The following CD8B2 variants were observed in gnomAD, a reference collection of about 807,000 sequenced individuals.
The protein encoded by CD8B2 is T-cell surface glycoprotein CD8 beta-2 chain.
CD8B2 carries 11 observed loss-of-function variants against 23.7 expected under a neutral mutation model. That is an observed-to-expected ratio of 0.46 (90% CI 0.29 to 0.77). CD8B2 has a LOEUF of 0.77. Among genes scored for constraint, CD8B2 ranks in the 30% least tolerant of loss-of-function variants. The pLI is 0.09. For missense variants in CD8B2, 197 were observed against 270.5 expected (o/e 0.73, Z 1.91); for synonymous variants, 90 against 109.3 (o/e 0.82, Z 1.10).
At chr2:106,532,136 A>C (rs773460013) in intron 5 of CD8B2, among the ~76,000 whole-genome samples, 10 of 152,208 alleles carry the variant, frequency 6.6e-5, no homozygotes, top group Non-Finnish European at 1.5e-4. Context: ...ATCCACTTCC[A>C]CAAATATTTC....
At chr2:106,493,939 T>A (rs1679245997) in intron 2 of CD8B2, among the ~76,000 whole-genome samples, 1 of 152,222 alleles carries the variant, frequency 6.6e-6, no homozygotes, top group Non-Finnish European at 1.5e-5. Flanking sequence ...TCAGCACTGC[T>A]CCCCACACAT....
At chr2:106,512,137 G>A (rs1462952159), downstream of CD8B2, among the ~76,000 whole-genome samples, 2 of 152,294 alleles carry the variant, frequency 1.3e-5, no homozygotes, top group Admixed American at 6.5e-5. Flanking sequence ...GTGCAGTGGC[G>A]CACTTATGGC....
chr2:106,542,412 TA>T (rs1273588851), intron 5 of CD8B2, among the ~76,000 whole-genome samples: 1 of 152,216 alleles, frequency 6.6e-6, no homozygotes, highest in Non-Finnish European at 1.5e-5. Flanking sequence ...AGAGTCCTTA[TA>T]TTACTAATTA....
At position 106,507,179 on chromosome 2, in the gene CD8B2, G is replaced by A. The variant is rs1381428378; in HGVS notation, c.*239G>A. The A allele has an allele frequency of 2.6e-5, 35 of 1,346,230 alleles. No homozygotes were observed. The highest frequency in any genetic ancestry group is 4.2e-5 in the South Asian group (2 of 47,934). The allele number at this position is 1,346,230 out of a possible 1,614,324, so 83.4% of individuals were successfully genotyped here. On this transcript the variant is annotated 3_prime_UTR_variant, in exon 6 of 6. Coordinates refer to ENST00000643224, the MANE Select transcript of CD8B2 (RefSeq NM_001349727.2). Reference sequence around the variant, plus strand: ...TTGCCCCCAGGGCACTTCACAGAGTGTGCTGGAGGACTGAGTAAGAAATGC... The same window carrying A: ...TTGCCCCCAGGGCACTTCACAGAGTATGCTGGAGGACTGAGTAAGAAATGC...
At chr2:106,498,204 G>A (rs1311763917) in intron 3 of CD8B2, among the ~76,000 whole-genome samples, 6 of 150,996 alleles carry the variant, frequency 4.0e-5, no homozygotes, top group Admixed American at 1.3e-4. Context: ...CTGGAGTGCA[G>A]TGGCGTGATC....
At chr2:106,494,475 T>TTC (rs548578587) in intron 2 of CD8B2, among the ~76,000 whole-genome samples, 146 of 146,156 alleles carry the variant, frequency 1.0e-3, no homozygotes, top group Non-Finnish European at 1.6e-3. Context: ...TTCTTTTCTT[T>TTC]TTTTTTTTCT....
Position 106,524,908 on chromosome 2 carries a change from C to T in CD8B2, c.621-19084C>T, listed in dbSNP as rs535404867. Among the ~76,000 whole-genome samples, 6 of 152,314 alleles carry T rather than the reference C, an allele frequency of 3.9e-5. No individual in the cohort carries two copies. In the East Asian group the frequency reaches 1.2e-3, roughly 29 times the overall value. On this transcript the variant is annotated intron_variant, in intron 5 of 5. Transcript: ENST00000416057. ...CTGAGGCCCACGTCCCTCCCATACG[C>T]AGCCAGGACTCAGAGCACCCACTCC...
At chr2:106,536,251 C>T (rs531575314) in intron 5 of CD8B2, among the ~76,000 whole-genome samples, 12 of 152,118 alleles carry the variant, frequency 7.9e-5, no homozygotes, top group African/African-American at 2.2e-4. Flanking sequence ...AGGCTGGTCT[C>T]GAACTCCTGA....
rs141220208 is a variant in CD8B2, at chr2:106,520,658, G to A, written c.620+16333G>A. ...TATAATCTCAGCACTTTGGGAGGCC[G>A]AGGTGGGCGGATCACTTGAGGTCCA... On this transcript the variant is annotated intron_variant, in intron 5 of 5. Transcript: ENST00000416057. 7.4e-3 allele frequency among the ~76,000 whole-genome samples: 1,127 copies of A among 152,272 alleles called. 6 individuals carry two copies. Among genetic ancestry groups the A allele is most frequent in the Non-Finnish European group, 0.013 (876 of 68,032 alleles).
intron 5 of CD8B2, among the ~76,000 whole-genome samples, chr2:106,519,069 T>A (rs1247639313): frequency 6.6e-6 from 1 of 152,110 alleles, no homozygotes; most frequent in Admixed American, 6.5e-5. Context: ...CCATCATCCA[T>A]CCATCCATCC....
intron 5 of CD8B2, among the ~76,000 whole-genome samples, chr2:106,535,734 C>G (rs1419578092): frequency 6.6e-6 from 1 of 152,212 alleles, no homozygotes; most frequent in East Asian, 1.9e-4. Flanking sequence ...TAAATCCCAG[C>G]TCTAACATTC....
chr2:106,537,021 C>A (rs72821879), intron 5 of CD8B2, among the ~76,000 whole-genome samples: 7,323 of 152,262 alleles, frequency 0.048, 232 homozygotes, highest in Non-Finnish European at 0.062. Context: ...TAGGACACAT[C>A]TGTGCTGTTG....
At position 106,493,011 on chromosome 2, in the gene CD8B2, A is replaced by T. The variant is rs1170964710; in HGVS notation, c.403+1778A>T. On this transcript the variant is annotated intron_variant, in intron 2 of 5. Transcript: ENST00000643224. ...GGTGGAGGGTACAATAAACACAGCTAGTTTCCCGCCTTCCCACCGCCTCCA... is the reference window on the plus strand; with the variant it reads ...GGTGGAGGGTACAATAAACACAGCTTGTTTCCCGCCTTCCCACCGCCTCCA... Among the ~76,000 whole-genome samples, 3 of 152,110 alleles carry T rather than the reference A, an allele frequency of 2.0e-5. No homozygotes were observed. In the East Asian group the frequency reaches 5.8e-4, roughly 29 times the overall value.
intron 1 of CD8B2, among the ~76,000 whole-genome samples, 193 bp downstream of exon 1, chr2:106,487,662 C>T (rs1254278768): frequency 2.0e-5 from 3 of 152,106 alleles, no homozygotes; most frequent in African/African-American, 7.2e-5. Flanking sequence ...CGCATTACCC[C>T]GGGGGACCGG....
rs945699886 is a variant in CD8B2 at position 106,509,265 on chromosome 2, A to T, written c.*2325A>T. The stretch of plus-strand genomic sequence containing the variant: ...AAAGCTCTGCCCATCAGCTCTGAGG[A>T]CAAGGGACAGGCTGCCTTCCAAGGC... On this transcript the variant is annotated 3_prime_UTR_variant, in exon 6 of 6. Coordinates refer to ENST00000643224, the MANE Select transcript of CD8B2 (RefSeq NM_001349727.2). 5 of 152,268 alleles carry T rather than the reference A, an allele frequency of 3.3e-5. No homozygotes were observed. The highest frequency in any genetic ancestry group is 2.6e-4 in the Admixed American group (4 of 15,290). 9.4% of individuals were successfully genotyped at this position (152,268 alleles called of 1,614,324 possible). A position where few individuals can be genotyped will look rare whatever the true frequency, so the allele number is the denominator to read the frequency against.
At chr2:106,505,269 T>C (rs1171402403) in intron 5 of CD8B2, among the ~76,000 whole-genome samples, 2 of 152,126 alleles carry the variant, frequency 1.3e-5, no homozygotes, top group African/African-American at 4.8e-5. Flanking sequence ...TACAGAAATG[T>C]TTGGGGGAGC....
chr2:106,494,155 C>T (rs1679251066), intron 2 of CD8B2, among the ~76,000 whole-genome samples: 1 of 147,360 alleles, frequency 6.8e-6, no homozygotes, highest in African/African-American at 2.5e-5. Flanking sequence ...CCCCCCAACA[C>T]CTTTTTTTTT....
At chr2:106,491,814 G>A (rs973108553) in intron 2 of CD8B2, among the ~76,000 whole-genome samples, 1 of 152,148 alleles carries the variant, frequency 6.6e-6, no homozygotes, top group Non-Finnish European at 1.5e-5. Context: ...CTCCCAAAGC[G>A]CTAGGATTAC....
At chr2:106,521,138 G>A (rs1481646585) in intron 5 of CD8B2, among the ~76,000 whole-genome samples, 1 of 152,112 alleles carries the variant, frequency 6.6e-6, no homozygotes, top group African/African-American at 2.4e-5. Flanking sequence ...GCTTGAGGAG[G>A]TGGTGTCTGA....
Sources: gnomAD v4.1 joint callset for allele counts (sites outside exome capture counted in the v4.1 genomes callset) on GRCh38, gnomAD v4.1.1 for gene constraint, MANE v1.5 for transcripts, NCBI Gene and HGNC (gene_info 2026-07-23, HGNC 2026-07-21) for gene names.